RPL5: variants seen among roughly 807,000 people sequenced by gnomAD.
RPL5 encodes the protein ribosomal protein L5.
A neutral mutation model predicts 38.4 loss-of-function variants in RPL5; 1 was observed. That is an observed-to-expected ratio of 0.03 (90% CI 0.01 to 0.12). The LOEUF is 0.12. RPL5 is among the 10% of genes least tolerant of loss of function. The probability of loss-of-function intolerance (pLI) is 1.00; values close to 1 mark genes in which losing one functional copy is unlikely to be tolerated. For synonymous variants in RPL5, 109 were observed against 121.2 expected, an observed-to-expected ratio of 0.90 and a Z score of 0.66; for missense variants, 243 against 374.1, an observed-to-expected ratio of 0.65 and a Z score of 2.89.
At chr1:92,841,471 G>C (rs1203306205) in intron 7 of RPL5, among the ~76,000 whole-genome samples, 2 of 152,088 alleles carry the variant, frequency 1.3e-5, no homozygotes, top group African/African-American at 2.4e-5. Flanking sequence ...CCACTCTCTT[G>C]GACAAACTGA....
At position 92,836,197 on chromosome 1, in the gene RPL5, A is replaced by G. The variant is rs757337697; in HGVS notation, c.332A>G (p.Asn111Ser). The change falls in exon 5 of 8, where the codon AAT becomes AGT. Residue 111 changes from asparagine to serine, a missense_variant. Physicochemically the swap from Asn to Ser is conservative, Grantham distance 46. Transcript: ENST00000370321. ...CATTGGTTTCTTGAATAGCTTCTCA[A>G]TAGGTTTGGCATGGACAAGATCTAT... ...TGLLLARRLL[N>S]RFGMDKIYEG... 6.2e-6 allele frequency: 10 copies of G among 1,612,210 alleles called. No individual in the cohort carries two copies. The African/African-American group carries it at 6.7e-5, about 11-fold the overall frequency.
intron 6 of RPL5, among the ~76,000 whole-genome samples, chr1:92,838,945 A>G (rs544529772): frequency 3.3e-5 from 5 of 152,150 alleles, no homozygotes; most frequent in Non-Finnish European, 7.4e-5. Flanking sequence ...TCACATCTCC[A>G]CATTGATTGA....
At chr1:92,832,978 T>A (rs763285257) in intron 1 of RPL5, 1 of 729,108 alleles carries the variant, frequency 1.4e-6, no homozygotes, top group Non-Finnish European at 2.5e-6. Context: ...TTGGCATCAC[T>A]GATTGCTGTC....
At chr1:92,839,814 A>C (rs11586570) in intron 6 of RPL5, among the ~76,000 whole-genome samples, 30,716 of 151,564 alleles carry the variant, frequency 0.2, 3,678 homozygotes, top group Non-Finnish European at 0.27. Context: ...AATTTCTCAG[A>C]AGTACATGCA....
chr1:92,841,626 T>C (rs1228955666), intron 7 of RPL5, 140 bp from the exon 8 acceptor site: 2 of 513,210 alleles, frequency 3.9e-6, no homozygotes, highest in Non-Finnish European at 6.5e-6. Context: ...AGTAAATGTA[T>C]TTGAACTTGG....
At chr1:92,836,745 A>C (rs925169283) in intron 5 of RPL5, 4 of 242,244 alleles carry the variant, frequency 1.7e-5, no homozygotes, top group Non-Finnish European at 2.5e-5. Flanking sequence ...TGATTTACTG[A>C]ATTATGCAAA....
rs760810833 is a variant in RPL5 at position 92,837,564 on chromosome 1, GGAA to G, written c.642_644del (p.Glu214del). On this transcript the variant is annotated inframe_deletion, in exon 6 of 8. Coordinates refer to ENST00000370321, the MANE Select transcript of RPL5 (RefSeq NM_000969.5). ...TTGCAGATTACATGCGCTACTTAAT[GGAA>G]GAAGATGAAGATGCTTACAAGAAAC... is the stretch of plus-strand genomic sequence containing the variant. 1.2e-6 allele frequency: 2 copies of G among 1,612,016 alleles called. No individual in the cohort carries two copies. The highest frequency in any genetic ancestry group is 1.7e-6 in the Non-Finnish European group (2 of 1,179,752).
At position 92,841,778 on chromosome 1, in the gene RPL5, C is replaced by A. The variant is rs1033644360; in HGVS notation, c.807C>A (p.Pro269=). ...CTATCTTTTGTAGGTGGAACCGTCC[C>A]AAAATGTCCCTTGCTCAGAAGAAGG... The part of the protein sequence containing the change: ...KEVKKKRWNR[P]KMSLAQKKDR... Residue 269 remains proline, a synonymous_variant, in exon 8 of 8, where the codon CCC becomes CCA. Coordinates refer to ENST00000370321, the MANE Select transcript of RPL5 (RefSeq NM_000969.5). 6.2e-6 allele frequency: 10 copies of A among 1,610,906 alleles called. No homozygotes were observed. The African/African-American group carries it at 1.3e-4, about 22-fold the overall frequency.
At chr1:92,834,654 C>T in intron 3 of RPL5, 125 bp from the exon 4 acceptor site, 1 of 1,310,872 alleles carries the variant, frequency 7.6e-7, no homozygotes, top group Non-Finnish European at 1.1e-6. Flanking sequence ...AGCTAAGAGT[C>T]TTAAGCATTT....
chr1:92,832,305 G>C, intron 1 of RPL5, 188 bp downstream of exon 1: 1 of 873,530 alleles, frequency 1.1e-6, no homozygotes, highest in Admixed American at 2.0e-5. Context: ...CGAACTTGGG[G>C]GGAGGGGTTG....
intron 3 of RPL5, among the ~76,000 whole-genome samples, chr1:92,834,116 G>C (rs2100678536): frequency 6.6e-6 from 1 of 152,094 alleles, no homozygotes; most frequent in East Asian, 1.9e-4. Flanking sequence ...TGTGTGGGGT[G>C]GGGAGATTAG....
Position 92,840,603 on chromosome 1 carries a change from A to G in RPL5, c.758A>G (p.Tyr253Cys). The change falls in exon 7 of 8, where the codon TAT becomes TGT. Residue 253 changes from tyrosine (Y) to cysteine (C), a missense_variant. Physicochemically the swap from Tyr to Cys is radical, Grantham distance 194. Transcript: ENST00000370321. ...GCTGCTATACGAGAGAATCCAGTCT[A>G]TGAAAAGAAGCCCAAGAAAGAAGTT... Reference protein sequence around the residue: ...AHAAIRENPVYEKKPKKEVKK... With the variant: ...AHAAIRENPVCEKKPKKEVKK... The G allele has an allele frequency of 8.1e-6, 13 of 1,612,316 alleles. No homozygotes were observed. Among genetic ancestry groups the G allele is most frequent in the South Asian group, 1.1e-5 (1 of 91,064 alleles).
chr1:92,833,752 TCTA>T, intron 3 of RPL5, 92 bp downstream of exon 3: 1 of 966,506 alleles, frequency 1.0e-6, no homozygotes, highest in South Asian at 1.3e-5. Context: ...AGAAGGGCTG[TCTA>T]GCACCTCCAA....
intron 6 of RPL5, among the ~76,000 whole-genome samples, chr1:92,839,483 AAGAC>A (rs1687267423): frequency 6.6e-6 from 1 of 152,198 alleles, no homozygotes; most frequent in South Asian, 2.1e-4. Context: ...GTGGTAGTGA[AAGAC>A]AGAAGAGAGG....
chr1:92,841,229 CTTCTGTGAG>C (rs1187914721), intron 7 of RPL5, among the ~76,000 whole-genome samples: 4 of 152,184 alleles, frequency 2.6e-5, no homozygotes, highest in African/African-American at 9.7e-5. Flanking sequence ...CTGCTCTCTG[CTTCTGTGAG>C]TTCCATTGTT....
At chr1:92,841,466 C>T (rs996142707) in intron 7 of RPL5, among the ~76,000 whole-genome samples, 1 of 151,812 alleles carries the variant, frequency 6.6e-6, no homozygotes, top group African/African-American at 2.4e-5. Flanking sequence ...GAGTGCCACT[C>T]TCTTGGACAA....
intron 6 of RPL5, among the ~76,000 whole-genome samples, chr1:92,839,358 C>T (rs752808119): frequency 2.6e-5 from 4 of 151,886 alleles, no homozygotes; most frequent in African/African-American, 4.8e-5. Context: ...GACTTCATGT[C>T]AAAAAACAAA....
At chr1:92,839,129 T>G (rs968270644) in intron 6 of RPL5, among the ~76,000 whole-genome samples, 4 of 145,758 alleles carry the variant, frequency 2.7e-5, no homozygotes, top group African/African-American at 1.0e-4. Context: ...GAGGCCGTGG[T>G]GGGCAGATCA....
intron 7 of RPL5, among the ~76,000 whole-genome samples, chr1:92,841,126 C>T (rs1687347617): frequency 6.6e-6 from 1 of 152,182 alleles, no homozygotes. Context: ...TGCAATAGAA[C>T]TAAAAACAAA....
Sources: gnomAD v4.1 joint callset for allele counts (sites outside exome capture counted in the v4.1 genomes callset) on GRCh38, gnomAD v4.1.1 for gene constraint, MANE v1.5 for transcripts, NCBI Gene and HGNC (gene_info 2026-07-23, HGNC 2026-07-21) for gene names.